Variants in ZC3H12B observed in about 807,000 individuals in gnomAD.
ZC3H12B encodes zinc finger CCCH-type containing 12B, also known as probable ribonuclease ZC3H12B.
Under a neutral mutation model 43.9 loss-of-function variants are expected in ZC3H12B, and 7 were observed. The observed-to-expected ratio is 0.16, with a 90% CI of 0.09 to 0.30. ZC3H12B has a LOEUF of 0.30. Ranked by LOEUF, ZC3H12B falls within the 10% of genes least tolerant of loss-of-function variation. The pLI, the probability that ZC3H12B is intolerant of heterozygous loss-of-function variation, is 1.00. For missense variants in ZC3H12B, 475 were observed against 670.2 expected, an observed-to-expected ratio of 0.71 and a Z score of 3.22; for synonymous variants, 222 against 241.7, an observed-to-expected ratio of 0.92 and a Z score of 0.76.
chrX:65,163,110 CT>C, the ZC3H12B span, among the ~76,000 whole-genome samples: 1 of 110,897 alleles, frequency 9.0e-6, no homozygotes, highest in African/African-American at 3.3e-5. Flanking sequence ...ATGCTGCTGT[CT>C]GATCGTTCCT....
chrX:65,228,473 C>T, the ZC3H12B span, among the ~76,000 whole-genome samples: 1 of 110,922 alleles, frequency 9.0e-6, no homozygotes, highest in African/African-American at 3.3e-5. Flanking sequence ...AAAACTGGCA[C>T]AAGACAGGGA....
At chrX:65,197,830 T>C in the ZC3H12B span, among the ~76,000 whole-genome samples, 1 of 112,193 alleles carries the variant, frequency 8.9e-6, no homozygotes. Context: ...GCTCTGATTC[T>C]GGTCTTGGGA....
chrX:65,242,410 G>A, the ZC3H12B span, among the ~76,000 whole-genome samples: 1 of 111,301 alleles, frequency 9.0e-6, no homozygotes, highest in Non-Finnish European at 1.9e-5. Context: ...ATAAAATAAA[G>A]TACCTAGAAA....
At chrX:65,084,681 C>T in the ZC3H12B span, among the ~76,000 whole-genome samples, 2 of 112,809 alleles carry the variant, frequency 1.8e-5, no homozygotes, top group African/African-American at 6.4e-5. Flanking sequence ...ATTACAACCA[C>T]TATGCAGAAT....
At chrX:65,411,678 T>G (rs935946376) in intron 3 of ZC3H12B, among the ~76,000 whole-genome samples, 6 of 109,591 alleles carry the variant, frequency 5.5e-5, no homozygotes, top group African/African-American at 2.0e-4. Context: ...GTGAGCCGAG[T>G]TCATGCCTCT....
At chrX:65,456,439 C>G (rs2067612785) in intron 3 of ZC3H12B, among the ~76,000 whole-genome samples, 1 of 63,222 alleles carries the variant, frequency 1.6e-5, no homozygotes, top group African/African-American at 6.5e-5. Flanking sequence ...CTCTCCCTCT[C>G]CCTCTCCCTG....
chrX:65,242,940 A>T, the ZC3H12B span, among the ~76,000 whole-genome samples: 5 of 112,376 alleles, frequency 4.4e-5, no homozygotes, highest in East Asian at 1.1e-3. Context: ...GAAGAAAGAA[A>T]ATAGTCTCCC....
the ZC3H12B span, among the ~76,000 whole-genome samples, chrX:65,308,775 C>A: frequency 9.0e-6 from 1 of 111,614 alleles, no homozygotes; most frequent in African/African-American, 3.3e-5. Context: ...TAACAGAAAT[C>A]GCAACAAACT....
the ZC3H12B span, among the ~76,000 whole-genome samples, chrX:65,296,850 C>T: frequency 9.0e-6 from 1 of 111,263 alleles, no homozygotes; most frequent in Non-Finnish European, 1.9e-5. Flanking sequence ...AATGATTTAA[C>T]ATATACAGGT....
intron 2 of ZC3H12B, among the ~76,000 whole-genome samples, chrX:65,498,728 TCTCA>T (rs996675482): frequency 8.9e-6 from 1 of 112,135 alleles, no homozygotes; most frequent in African/African-American, 3.2e-5. Flanking sequence ...TCAGTGTCAC[TCTCA>T]CTCTTCATGG....
At chrX:65,153,594 G>T in the ZC3H12B span, among the ~76,000 whole-genome samples, 1 of 111,895 alleles carries the variant, frequency 8.9e-6, no homozygotes, top group Non-Finnish European at 1.9e-5. Flanking sequence ...GTGCTGGAGA[G>T]GATGTGGAGA....
chrX:65,497,031 T>A, intron 1 of ZC3H12B, 101 bp from the exon 7 acceptor site: 1 of 586,194 alleles, frequency 1.7e-6, no homozygotes, highest in Non-Finnish European at 2.5e-6. Context: ...AGAATGTAAA[T>A]GTCTATTATT....
chrX:65,224,754 A>G, the ZC3H12B span, among the ~76,000 whole-genome samples: 4 of 112,200 alleles, frequency 3.6e-5, no homozygotes, highest in Non-Finnish European at 7.5e-5. Flanking sequence ...TCCTAGGCCC[A>G]TGGAGTCTCG....
chrX:65,413,551 G>A (rs1365532092), intron 3 of ZC3H12B, among the ~76,000 whole-genome samples: 2 of 111,414 alleles, frequency 1.8e-5, no homozygotes, highest in African/African-American at 6.5e-5. Flanking sequence ...TTTTCTCTTC[G>A]AATAGTCTTG....
At chrX:65,411,897 A>G (rs897325455) in intron 3 of ZC3H12B, among the ~76,000 whole-genome samples, 12 of 108,973 alleles carry the variant, frequency 1.1e-4, no homozygotes, top group African/African-American at 3.6e-4. Context: ...AGACGCCCAC[A>G]AAAATTTAAA....
the ZC3H12B span, among the ~76,000 whole-genome samples, chrX:65,312,529 G>T: frequency 1.8e-5 from 2 of 109,369 alleles, no homozygotes; most frequent in Admixed American, 9.5e-5. Flanking sequence ...AAAAAAAAAT[G>T]GGCCCCTCTT....
At chrX:65,241,110 T>C in the ZC3H12B span, among the ~76,000 whole-genome samples, 3 of 112,032 alleles carry the variant, frequency 2.7e-5, no homozygotes, top group African/African-American at 9.7e-5. Flanking sequence ...AACTCTTCCT[T>C]GTCCAGACCT....
the ZC3H12B span, among the ~76,000 whole-genome samples, chrX:65,281,743 C>A: frequency 4.4e-5 from 5 of 112,384 alleles, no homozygotes; most frequent in Middle Eastern, 4.6e-3. Flanking sequence ...AGGGTAAACA[C>A]TTCAGGATAT....
At chrX:65,227,297 A>G in the ZC3H12B span, among the ~76,000 whole-genome samples, 1 of 111,823 alleles carries the variant, frequency 8.9e-6, no homozygotes, top group African/African-American at 3.3e-5. Flanking sequence ...GTACATAACG[A>G]AATGAAGGCA....
Sources: allele counts gnomAD v4.1 joint callset (sites outside exome capture counted in the v4.1 genomes callset), GRCh38; gene constraint gnomAD v4.1.1; transcripts MANE v1.5; gene names NCBI Gene and HGNC (gene_info 2026-07-23, HGNC 2026-07-21).